AGBL1: variants seen among roughly 807,000 people sequenced by gnomAD.
AGBL1 encodes cytosolic carboxypeptidase 4.
A neutral mutation model predicts 118.9 loss-of-function variants in AGBL1; 130 were observed. That is an observed-to-expected ratio of 1.09 (90% CI 0.95 to 1.26). The LOEUF is 1.26. Among genes scored for constraint, AGBL1 ranks in the 50% most tolerant of loss-of-function variants. AGBL1 has a pLI of 0.00. For synonymous variants in AGBL1, 555 were observed against 478.9 expected, an observed-to-expected ratio of 1.16 and a Z score of -2.08; for missense variants, 1,584 against 1,298.1, an observed-to-expected ratio of 1.22 and a Z score of -3.38.
intron 22 of AGBL1, among the ~76,000 whole-genome samples, chr15:86,885,440 A>T (rs2079956386): frequency 6.6e-6 from 1 of 152,190 alleles, no homozygotes; most frequent in Non-Finnish European, 1.5e-5. Flanking sequence ...TAAATACTTC[A>T]CAACTATTAA....
intron 22 of AGBL1, among the ~76,000 whole-genome samples, chr15:86,714,502 A>AATCAGGAG (rs1309415684): frequency 6.6e-6 from 1 of 152,208 alleles, no homozygotes; most frequent in East Asian, 1.9e-4. Flanking sequence ...GTGTGCAGAT[A>AATCAGGAG]ATCAGGAGCC....
chr15:86,445,327 C>T (rs576462745), intron 18 of AGBL1, among the ~76,000 whole-genome samples: 256 of 152,294 alleles, frequency 1.7e-3, no homozygotes, highest in South Asian at 8.5e-3. Context: ...TTTGCTATAG[C>T]GATGCTTCTG....
At chr15:86,877,949 C>T (rs1334026691) in intron 22 of AGBL1, among the ~76,000 whole-genome samples, 1 of 152,078 alleles carries the variant, frequency 6.6e-6, no homozygotes, top group Non-Finnish European at 1.5e-5. Context: ...ACGGAGTTAC[C>T]CCCATCATGG....
At chr15:86,739,260 A>G (rs1409473106) in intron 22 of AGBL1, among the ~76,000 whole-genome samples, 5 of 151,930 alleles carry the variant, frequency 3.3e-5, no homozygotes, top group African/African-American at 1.2e-4. Context: ...CCTGACAAAC[A>G]TGGAAAAACC....
At chr15:86,893,215 TG>T (rs552638183) in intron 22 of AGBL1, among the ~76,000 whole-genome samples, 79 of 152,266 alleles carry the variant, frequency 5.2e-4, no homozygotes, top group African/African-American at 1.9e-3. Flanking sequence ...TGGGAGAGTA[TG>T]CTGGATGAAT....
At chr15:86,361,640 A>T (rs2080807255) in intron 17 of AGBL1, among the ~76,000 whole-genome samples, 2 of 152,042 alleles carry the variant, frequency 1.3e-5, no homozygotes, top group Admixed American at 6.5e-5. Flanking sequence ...TGTTGGGGGC[A>T]TATGTAATTT....
chr15:86,470,556 T>C (rs972566049), intron 18 of AGBL1, among the ~76,000 whole-genome samples: 5 of 152,206 alleles, frequency 3.3e-5, no homozygotes, highest in African/African-American at 1.2e-4. Flanking sequence ...TTATGATTGC[T>C]TTTTCTACTT....
intron 23 of AGBL1, among the ~76,000 whole-genome samples, chr15:86,976,736 T>G (rs1260610773): frequency 6.6e-6 from 1 of 152,038 alleles, no homozygotes. Context: ...AGATTTTTTT[T>G]TAAATTCGTA....
intron 17 of AGBL1, 115 bp downstream of exon 17, chr15:86,295,523 G>T (rs756952884): frequency 4.6e-6 from 5 of 1,096,514 alleles, no homozygotes; most frequent in Non-Finnish European, 6.3e-6. Flanking sequence ...GAGACTGTCT[G>T]TCTTTGTAGA....
At chr15:86,815,674 G>A (rs558973766) in intron 22 of AGBL1, among the ~76,000 whole-genome samples, 86 of 152,190 alleles carry the variant, frequency 5.7e-4, no homozygotes, top group Non-Finnish European at 1.0e-3. Context: ...TCAGTTTGTG[G>A]ACTGGGAGGA....
downstream of AGBL1, among the ~76,000 whole-genome samples, chr15:87,031,212 G>C (rs2081779258): frequency 6.6e-6 from 1 of 151,780 alleles, no homozygotes; most frequent in Admixed American, 6.6e-5. Context: ...CTGATATTTT[G>C]TCTCATTTTT....
At chr15:86,425,301 A>G (rs2081853355) in intron 18 of AGBL1, among the ~76,000 whole-genome samples, 2 of 151,090 alleles carry the variant, frequency 1.3e-5, no homozygotes, top group Non-Finnish European at 2.9e-5. Flanking sequence ...AAAAAACCAA[A>G]CACCACATGT....
At chr15:86,448,579 G>A (rs2082155762) in intron 18 of AGBL1, among the ~76,000 whole-genome samples, 1 of 152,224 alleles carries the variant, frequency 6.6e-6, no homozygotes, top group South Asian at 2.1e-4. Flanking sequence ...TGGGAATACT[G>A]ATATGACAGT....
At chr15:86,922,112 C>A (rs565737893) in intron 23 of AGBL1, among the ~76,000 whole-genome samples, 1 of 151,920 alleles carries the variant, frequency 6.6e-6, no homozygotes, top group African/African-American at 2.4e-5. Flanking sequence ...AAAGGTATAA[C>A]TAGTTTATAA....
intron 1 of AGBL1, among the ~76,000 whole-genome samples, chr15:86,122,461 G>C (rs763550015): frequency 3.2e-4 from 48 of 152,228 alleles, no homozygotes; most frequent in Admixed American, 4.6e-4. Context: ...AGTATGGAAA[G>C]CAAAAATAAT....
At chr15:86,968,157 ACC>A (rs767353660) in intron 23 of AGBL1, among the ~76,000 whole-genome samples, 1 of 151,976 alleles carries the variant, frequency 6.6e-6, no homozygotes. Context: ...AAAGAGGGTC[ACC>A]CAAAATCATT....
intron 22 of AGBL1, among the ~76,000 whole-genome samples, chr15:86,865,091 C>T (rs562719556): frequency 1.3e-5 from 2 of 152,196 alleles, no homozygotes; most frequent in South Asian, 2.1e-4. Context: ...GCTGATCCAT[C>T]GTGGGAGTTA....
chr15:86,541,442 A>C (rs1187670875), intron 19 of AGBL1, among the ~76,000 whole-genome samples: 1 of 152,108 alleles, frequency 6.6e-6, no homozygotes, highest in East Asian at 1.9e-4. Flanking sequence ...TATTTTAAAA[A>C]TTAGCCACGT....
chr15:86,393,105 A>T (rs2081312467), intron 17 of AGBL1, among the ~76,000 whole-genome samples: 1 of 152,162 alleles, frequency 6.6e-6, no homozygotes, highest in Admixed American at 6.6e-5. Flanking sequence ...TGGCTAAAAT[A>T]CTGCTTATGT....
Sources: gnomAD v4.1 joint callset for allele counts (sites outside exome capture counted in the v4.1 genomes callset) on GRCh38, gnomAD v4.1.1 for gene constraint, MANE v1.5 for transcripts, NCBI Gene and HGNC (gene_info 2026-07-23, HGNC 2026-07-21) for gene names.